RUFY2: variants seen among roughly 807,000 people sequenced by gnomAD.
RUFY2 encodes RUN and FYVE domain containing 2, also known as RUN and FYVE domain-containing protein 2.
Under a neutral mutation model 94.4 loss-of-function variants are expected in RUFY2, and 49 were observed. The ratio of observed to expected loss-of-function variants is 0.52; its 90% CI spans 0.41 to 0.66. The LOEUF (loss-of-function observed/expected upper bound fraction) is 0.66. Ranked by LOEUF, RUFY2 falls within the 30% of genes least tolerant of loss-of-function variation. The probability of loss-of-function intolerance (pLI) is 0.00; values close to 1 mark genes in which losing one functional copy is unlikely to be tolerated. For missense variants in RUFY2, 541 were observed against 692.8 expected (o/e 0.78, Z 2.46); for synonymous variants, 255 against 235.7 (o/e 1.08, Z -0.75).
At chr10:68,398,547 G>A (rs1040792853) in intron 3 of RUFY2, among the ~76,000 whole-genome samples, 1 of 152,132 alleles carries the variant, frequency 6.6e-6, no homozygotes, top group African/African-American at 2.4e-5. Context: ...AGCTACTCGA[G>A]AGGCGGAGGC....
At chr10:68,363,942 C>T (rs976885163) in intron 14 of RUFY2, 42 bp downstream of exon 14, 1 of 1,426,090 alleles carries the variant, frequency 7.0e-7, no homozygotes, top group Non-Finnish European at 9.7e-7. Flanking sequence ...AATAAGTTAA[C>T]ATTTGTCAAG....
At chr10:68,346,333 G>A (rs2046272313) in intron 16 of RUFY2, 2 of 368,260 alleles carry the variant, frequency 5.4e-6, no homozygotes, top group African/African-American at 2.1e-5. Flanking sequence ...GCTCACACCG[G>A]TAATTCCAGC....
chr10:68,402,521 G>A (rs1038912673), intron 2 of RUFY2, among the ~76,000 whole-genome samples: 1 of 152,036 alleles, frequency 6.6e-6, no homozygotes, highest in Admixed American at 6.6e-5. Context: ...ATAACTGCTA[G>A]GACATGGTTC....
intron 13 of RUFY2, among the ~76,000 whole-genome samples, chr10:68,376,369 G>C (rs1271369697): frequency 6.9e-6 from 1 of 145,718 alleles, no homozygotes; most frequent in African/African-American, 2.5e-5. Context: ...AGAGGTTGCA[G>C]TGAGCTGAGG....
intron 13 of RUFY2, among the ~76,000 whole-genome samples, chr10:68,374,114 C>A (rs1261501029): frequency 1.5e-4 from 9 of 59,350 alleles, no homozygotes; most frequent in East Asian, 5.4e-4. Context: ...GATCCTGTCC[C>A]AAAAAAAAAA....
chr10:68,343,896 A>G lies in RUFY2; in HGVS notation c.*1872T>C, dbSNP rs2046125836. ...TGAGAAACTTACTTAAAGGATGACA[A>G]AATCATGGTTTGTTGAATGAAATTA... is the stretch of plus-strand genomic sequence containing the variant. On this transcript the variant is annotated 3_prime_UTR_variant, in exon 18 of 18. Coordinates refer to ENST00000602465, the MANE Select transcript of RUFY2 (RefSeq NM_001330103.2). 1 of 152,054 alleles carries G rather than the reference A, an allele frequency of 6.6e-6. No homozygotes were observed. Among genetic ancestry groups the G allele is most frequent in the African/African-American group, 2.4e-5 (1 of 41,426 alleles). 9.4% of individuals were successfully genotyped at this position (152,054 alleles called of 1,614,324 possible). A position where few individuals can be genotyped will look rare whatever the true frequency, so the allele number is the denominator to read the frequency against.
At chr10:68,405,647 AACATG>A (rs1325691333) in intron 1 of RUFY2, 2 of 925,076 alleles carry the variant, frequency 2.2e-6, no homozygotes, top group African/African-American at 3.6e-5. Context: ...ATCCACAACA[AACATG>A]ACAGGTAAAA....
intron 7 of RUFY2, among the ~76,000 whole-genome samples, chr10:68,387,126 G>A (rs1293178481): frequency 1.3e-5 from 2 of 152,088 alleles, no homozygotes; most frequent in Admixed American, 6.6e-5. Context: ...GGAGGCTGAG[G>A]CAGGCAGATC....
At chr10:68,370,833 T>C (rs2048215560) in intron 13 of RUFY2, among the ~76,000 whole-genome samples, 1 of 151,510 alleles carries the variant, frequency 6.6e-6, no homozygotes, top group African/African-American at 2.4e-5. Flanking sequence ...CCTGTGGGAC[T>C]ACTAAAAAAA....
chr10:68,403,874 C>T (rs913420149), intron 2 of RUFY2, among the ~76,000 whole-genome samples: 2 of 151,694 alleles, frequency 1.3e-5, no homozygotes, highest in Non-Finnish European at 2.9e-5. Context: ...TCACTGAAGC[C>T]TCGACCTCCT....
chr10:68,407,160 G>T, intron 1 of RUFY2, 26 bp downstream of exon 1: 1 of 1,480,296 alleles, frequency 6.8e-7, no homozygotes, highest in South Asian at 1.3e-5. Flanking sequence ...AGGGCCTAGC[G>T]TTCGGTTTCG....
chr10:68,353,070 C>T (rs1254016941), intron 16 of RUFY2, among the ~76,000 whole-genome samples: 1 of 152,040 alleles, frequency 6.6e-6, no homozygotes, highest in Non-Finnish European at 1.5e-5. Flanking sequence ...CAGTGGCTCA[C>T]ACCTGTAAGC....
chr10:68,350,310 C>T (rs1395713228), intron 16 of RUFY2, among the ~76,000 whole-genome samples: 1 of 152,160 alleles, frequency 6.6e-6, no homozygotes, highest in Admixed American at 6.6e-5. Context: ...CATGCTTGGC[C>T]TAATCAAGGC....
In RUFY2 at chr10:68,393,052, GAAGA is replaced by G. The variant is rs1160073777; in HGVS notation, c.650+82_650+85del. On this transcript the variant is annotated intron_variant, in intron 7 of 17. Coordinates refer to ENST00000602465, the MANE Select transcript of RUFY2 (RefSeq NM_001330103.2). ...CTCAACCCCTTCTCAAAGACTCTTA[GAAGA>G]AAGGAATACGGTAAGCTGAAGGGAA... 1.5e-5 allele frequency: 9 copies of G among 590,422 alleles called. No individual in the cohort carries two copies. In the African/African-American group the frequency reaches 1.7e-4, roughly 11 times the overall value. 36.6% of individuals were successfully genotyped at this position (590,422 alleles called of 1,614,324 possible). A position where few individuals can be genotyped will look rare whatever the true frequency, so the allele number is the denominator to read the frequency against.
rs1254292311 is a variant in RUFY2, at chr10:68,375,234, T to TA, written c.1325+1618dup. 6.6e-5 allele frequency among the ~76,000 whole-genome samples: 9 copies of TA among 135,804 alleles called. 1 individual carries two copies. Among genetic ancestry groups the TA allele is most frequent in the African/African-American group, 2.3e-4 (8 of 35,304 alleles). 89.1% of individuals were successfully genotyped at this position (135,804 alleles called of 152,430 possible). On this transcript the variant is annotated intron_variant, in intron 13 of 17. Coordinates refer to ENST00000602465, the MANE Select transcript of RUFY2 (RefSeq NM_001330103.2). The stretch of plus-strand genomic sequence containing the variant: ...ACAGCAAGACTCCATTTCCACAATT[T>TA]AAAAAAAATGTTAGGGAGCTAAATG...
intron 16 of RUFY2, chr10:68,346,645 T>A (rs1465080796): frequency 6.6e-6 from 1 of 152,400 alleles, no homozygotes; most frequent in Non-Finnish European, 1.5e-5. Context: ...TTTTATTTTT[T>A]AAATTTTTGT....
Position 68,343,740 on chromosome 10 carries a change from T to A in RUFY2, c.*2028A>T, listed in dbSNP as rs190417744. On this transcript the variant is annotated 3_prime_UTR_variant, in exon 18 of 18. Transcript: ENST00000602465. ...TGTTAAAAGTCTTGTAACAGAAAAA[T>A]CCAAAGTTAGTATAGTTTTTAAATA... 1 of 130,522 alleles carries A rather than the reference T, an allele frequency of 7.7e-6. No individual in the cohort carries two copies. The highest frequency in any genetic ancestry group is 8.4e-5 in the Admixed American group (1 of 11,970). The allele number at this position is 130,522 out of a possible 1,614,324, so 8.1% of individuals were successfully genotyped here.
At chr10:68,400,510 A>C (rs2050742359) in intron 3 of RUFY2, among the ~76,000 whole-genome samples, 2 of 150,428 alleles carry the variant, frequency 1.3e-5, no homozygotes. Context: ...CCCCGTCTCT[A>C]CTAAAAATAC....
At chr10:68,383,719 A>G in intron 10 of RUFY2, 79 bp downstream of exon 10, 1 of 1,027,862 alleles carries the variant, frequency 9.7e-7, no homozygotes. Context: ...TAAGGCTGAA[A>G]AAGATTTTAA....
Sources: allele counts gnomAD v4.1 joint callset (sites outside exome capture counted in the v4.1 genomes callset), GRCh38; gene constraint gnomAD v4.1.1; transcripts MANE v1.5; gene names NCBI Gene and HGNC (gene_info 2026-07-23, HGNC 2026-07-21).